SPATS2L: variants seen among roughly 807,000 people sequenced by gnomAD.
SPATS2L encodes SPATS2-like protein.
In SPATS2L, 30 loss-of-function variants were observed where a neutral mutation model predicts 59.6. The ratio of observed to expected loss-of-function variants is 0.50; its 90% CI spans 0.38 to 0.68. SPATS2L has a LOEUF of 0.68. Among genes scored for constraint, SPATS2L ranks in the 30% least tolerant of loss-of-function variants. SPATS2L has a pLI of 0.00. For missense variants in SPATS2L, 615 were observed against 700.0 expected, an observed-to-expected ratio of 0.88 and a Z score of 1.37; for synonymous variants, 252 against 263.5, an observed-to-expected ratio of 0.96 and a Z score of 0.42.
At chr2:200,318,671 A>G (rs1375625026) in intron 1 of SPATS2L, among the ~76,000 whole-genome samples, 1 of 152,286 alleles carries the variant, frequency 6.6e-6, no homozygotes, top group South Asian at 2.1e-4. Flanking sequence ...CCCCTCATTT[A>G]TTAAGGTGAG....
At chr2:200,435,828 A>G (rs933557303) in intron 6 of SPATS2L, among the ~76,000 whole-genome samples, 4 of 152,140 alleles carry the variant, frequency 2.6e-5, no homozygotes, top group Non-Finnish European at 4.4e-5. Context: ...ATAATTTTAT[A>G]TTTTCTGGTA....
intron 4 of SPATS2L, among the ~76,000 whole-genome samples, chr2:200,412,684 ACT>A (rs1219094029): frequency 6.6e-6 from 1 of 152,012 alleles, no homozygotes; most frequent in African/African-American, 2.4e-5. Flanking sequence ...GGAAAAAAAG[ACT>A]CTAGATAGTT....
At position 200,361,079 on chromosome 2, in the gene SPATS2L, A is replaced by ACC. The variant is rs3036489; in HGVS notation, c.-22-28138_-22-28137dup. 5.4e-3 allele frequency among the ~76,000 whole-genome samples: 402 copies of ACC among 73,896 alleles called. 10 individuals carry two copies. In the East Asian group the frequency reaches 0.083, roughly 15 times the overall value. 48.5% of individuals were successfully genotyped at this position (73,896 alleles called of 152,430 possible). A position where few individuals can be genotyped will look rare whatever the true frequency, so the allele number is the denominator to read the frequency against. On this transcript the variant is annotated intron_variant, in intron 2 of 12. Coordinates refer to ENST00000409140, the MANE Select transcript of SPATS2L (RefSeq NM_001100423.2). ...GCTCCACCCCACTATTCCCCACCCC[A>ACC]CCCCCCCACACACACACATCCCTAC...
At chr2:200,345,172 T>C in intron 2 of SPATS2L, among the ~76,000 whole-genome samples, 1 of 152,210 alleles carries the variant, frequency 6.6e-6, no homozygotes, top group Non-Finnish European at 1.5e-5. Flanking sequence ...GAGGATTGCC[T>C]AGGTTGTCTT....
chr2:200,341,320 A>C (rs2080317706), intron 2 of SPATS2L, among the ~76,000 whole-genome samples: 1 of 152,172 alleles, frequency 6.6e-6, no homozygotes, highest in Non-Finnish European at 1.5e-5. Context: ...AACTAAACTC[A>C]ATAACTCAAG....
chr2:200,311,738 T>G (rs1460547603), intron 1 of SPATS2L, among the ~76,000 whole-genome samples: 1 of 152,194 alleles, frequency 6.6e-6, no homozygotes, highest in East Asian at 1.9e-4. Context: ...AGGCACTGTT[T>G]CTGCTGGGAA....
At chr2:200,476,313 C>G (rs2087515741) in intron 12 of SPATS2L, among the ~76,000 whole-genome samples, 1 of 152,086 alleles carries the variant, frequency 6.6e-6, no homozygotes, top group Non-Finnish European at 1.5e-5. Context: ...GCCACCAAGA[C>G]CTGCCAGATA....
At chr2:200,477,419 T>C (rs765448125) in intron 12 of SPATS2L, among the ~76,000 whole-genome samples, 1 of 151,760 alleles carries the variant, frequency 6.6e-6, no homozygotes, top group Non-Finnish European at 1.5e-5. Context: ...TATCATTTTC[T>C]TCCAGTTCCA....
intron 8 of SPATS2L, among the ~76,000 whole-genome samples, chr2:200,451,156 C>CA (rs1476838629): frequency 1.3e-5 from 2 of 151,620 alleles, no homozygotes; most frequent in East Asian, 1.9e-4. Flanking sequence ...CTGTCTCTAC[C>CA]AAAAAAATAT....
At chr2:200,428,756 T>C (rs1180485416) in intron 6 of SPATS2L, among the ~76,000 whole-genome samples, 1 of 152,192 alleles carries the variant, frequency 6.6e-6, no homozygotes, top group Admixed American at 6.5e-5. Context: ...CCTATCCAAT[T>C]GTGCAAACCA....
At chr2:200,417,001 C>T (rs1475430029) in intron 5 of SPATS2L, among the ~76,000 whole-genome samples, 1 of 152,172 alleles carries the variant, frequency 6.6e-6, no homozygotes, top group Non-Finnish European at 1.5e-5. Flanking sequence ...TTTACTGTGT[C>T]CCATTCAAAC....
intron 4 of SPATS2L, among the ~76,000 whole-genome samples, chr2:200,413,157 C>T (rs1178808073): frequency 6.6e-6 from 1 of 152,208 alleles, no homozygotes; most frequent in African/African-American, 2.4e-5. Context: ...ACTTCTCCAA[C>T]CAGCATAATC....
chr2:200,457,213 AAAAC>A (rs1470412953), intron 8 of SPATS2L, among the ~76,000 whole-genome samples: 1 of 106,962 alleles, frequency 9.3e-6, no homozygotes, highest in Non-Finnish European at 1.9e-5. Flanking sequence ...GTAAATAATG[AAAAC>A]ATACATACAC....
chr2:200,476,571 TGCAGGTGA>T (rs1392975502), intron 12 of SPATS2L, among the ~76,000 whole-genome samples: 1 of 152,134 alleles, frequency 6.6e-6, no homozygotes, highest in African/African-American at 2.4e-5. Context: ...AGGGAGAGCA[TGCAGGTGA>T]GCAGGTGCAG....
chr2:200,351,573 G>A (rs2080730868), intron 2 of SPATS2L, among the ~76,000 whole-genome samples: 1 of 152,046 alleles, frequency 6.6e-6, no homozygotes, highest in Non-Finnish European at 1.5e-5. Flanking sequence ...GTTCTGACAC[G>A]CATAATTGTT....
intron 2 of SPATS2L, among the ~76,000 whole-genome samples, chr2:200,381,475 A>C (rs3754794): frequency 2.0e-5 from 3 of 151,712 alleles, no homozygotes; most frequent in African/African-American, 7.3e-5. Context: ...AGTTCTTCCA[A>C]CTCTCCCTAT....
At chr2:200,323,885 A>G (rs1023515941) in intron 1 of SPATS2L, among the ~76,000 whole-genome samples, 1 of 152,242 alleles carries the variant, frequency 6.6e-6, no homozygotes, top group Non-Finnish European at 1.5e-5. Context: ...CAACTCTTTT[A>G]TTATTAAAGT....
intron 3 of SPATS2L, among the ~76,000 whole-genome samples, chr2:200,400,184 T>C (rs1221840097): frequency 6.6e-6 from 1 of 152,174 alleles, no homozygotes; most frequent in Middle Eastern, 3.2e-3. Context: ...TTGTCCTCAG[T>C]AATAAATTAA....
At chr2:200,418,088 T>C (rs188257581) in intron 5 of SPATS2L, among the ~76,000 whole-genome samples, 55 of 152,308 alleles carry the variant, frequency 3.6e-4, no homozygotes, top group Admixed American at 1.8e-3. Flanking sequence ...TTTTAGACTC[T>C]TGTGATATTG....
Sources: allele counts gnomAD v4.1 joint callset (sites outside exome capture counted in the v4.1 genomes callset), GRCh38; gene constraint gnomAD v4.1.1; transcripts MANE v1.5; gene names NCBI Gene and HGNC (gene_info 2026-07-23, HGNC 2026-07-21).